Variants in TUBB2B observed in about 807,000 individuals in gnomAD.
The protein encoded by TUBB2B is tubulin beta-2B chain.
Under a neutral mutation model 35.0 loss-of-function variants are expected in TUBB2B, and 5 were observed. The ratio of observed to expected loss-of-function variants is 0.14; its 90% CI spans 0.07 to 0.30. TUBB2B has a LOEUF of 0.30. TUBB2B is among the 10% of genes least tolerant of loss of function. The pLI is 1.00. For missense variants in TUBB2B, 63 were observed against 601.8 expected (o/e 0.10, Z 9.37); for synonymous variants, 166 against 250.5 (o/e 0.66, Z 3.18).
Position 3,226,872 on chromosome 6 carries a change from C to T in TUBB2B, c.58-203G>A, listed in dbSNP as rs1435529406. Among the ~76,000 whole-genome samples the T allele has an allele frequency of 1.3e-5, 2 of 152,136 alleles. No homozygotes were observed. Among genetic ancestry groups the T allele is most frequent in the Admixed American group, 1.3e-4 (2 of 15,280 alleles). Reference sequence around the variant, plus strand: ...AACTGGGCGTTTCCCAGGCAAACAGCTGCCGCTCGCGGGGGGAGGTAGGGG... The same window carrying T: ...AACTGGGCGTTTCCCAGGCAAACAGTTGCCGCTCGCGGGGGGAGGTAGGGG... On this transcript the variant is annotated intron_variant, in intron 1 of 3. Transcript: ENST00000259818. This position sits in a 1 kb window ranked among gnomAD's most constrained non-coding sequence, Gnocchi z 5.5.
In TUBB2B at chr6:3,227,377, T is replaced by C; in HGVS notation, c.57+110A>G. The stretch of plus-strand genomic sequence containing the variant: ...CGGCGGCACAAAGCGGCCAGGAAGG[T>C]CTGCATTTGGCGATCCCCAGGCCTT... On this transcript the variant is annotated intron_variant, in intron 1 of 3. Coordinates refer to ENST00000259818, the MANE Select transcript of TUBB2B (RefSeq NM_178012.5). This position sits in a 1 kb window ranked among gnomAD's most constrained non-coding sequence, Gnocchi z 7.8. 1 of 1,428,662 alleles carries C rather than the reference T, an allele frequency of 7.0e-7. No homozygotes were observed. Among genetic ancestry groups the C allele is most frequent in the Admixed American group, 2.0e-5 (1 of 51,042 alleles). The allele number at this position is 1,428,662 out of a possible 1,614,324, so 88.5% of individuals were successfully genotyped here.
In TUBB2B at chr6:3,224,363, G is replaced by T; in HGVS notation, c.*388C>A. 1 of 281,120 alleles carries T rather than the reference G, an allele frequency of 3.6e-6. No individual in the cohort carries two copies. The allele number at this position is 281,120 out of a possible 1,614,324, so 17.4% of individuals were successfully genotyped here. On this transcript the variant is annotated 3_prime_UTR_variant, in exon 4 of 4. Transcript: ENST00000259818. Reference sequence around the variant, plus strand: ...GTGATTGGTTCAATTTTACCATACCGAAAGAATAAATTCATTTGAGCTTTT... The same window carrying T: ...GTGATTGGTTCAATTTTACCATACCTAAAGAATAAATTCATTTGAGCTTTT...
chr6:3,227,400 C>A lies in TUBB2B; in HGVS notation c.57+87G>T. The stretch of plus-strand genomic sequence containing the variant: ...GGTCTGCATTTGGCGATCCCCAGGC[C>A]TTCCCAGGACCGCGCCTGGGGACCC... On this transcript the variant is annotated intron_variant, in intron 1 of 3. Transcript: ENST00000259818. The surrounding 1 kb of genome is among the most constrained non-coding windows in gnomAD (Gnocchi z 7.8). 6.4e-7 allele frequency: 1 copy of A among 1,553,646 alleles called. No homozygotes were observed. The highest frequency in any genetic ancestry group is 1.1e-5 in the South Asian group (1 of 88,376).
chr6:3,224,556 ATGTTACATTGATG>A lies in TUBB2B; in HGVS notation c.*182_*194del. On this transcript the variant is annotated 3_prime_UTR_variant, in exon 4 of 4. Coordinates refer to ENST00000259818, the MANE Select transcript of TUBB2B (RefSeq NM_178012.5). The stretch of plus-strand genomic sequence containing the variant: ...CAACAGTAATTCAGAAATATCTCAA[ATGTTACATTGATG>A]TCATCAATATTACAAAAAAGGAAAA... 1.3e-6 allele frequency: 1 copy of A among 773,138 alleles called. No individual in the cohort carries two copies. The highest frequency in any genetic ancestry group is 2.0e-6 in the Non-Finnish European group (1 of 496,532). The allele number at this position is 773,138 out of a possible 1,614,324, so 47.9% of individuals were successfully genotyped here.
At chr6:3,225,969 T>G (rs919837466) in intron 3 of TUBB2B, among the ~76,000 whole-genome samples, 158 bp from the exon 4 acceptor site, 4 of 152,218 alleles carry the variant, frequency 2.6e-5, no homozygotes, top group African/African-American at 9.6e-5. Flanking sequence ...ATGAATATAA[T>G]TATAAATAAG....
In TUBB2B at chr6:3,226,283, C is replaced by T. The variant is rs1162065757; in HGVS notation, c.167-14G>A. ...CATATTTGTTACCTGCAAGGAACAA[C>T]AGTGACTTAGACCCTCAGGCAAGGA... is the stretch of plus-strand genomic sequence containing the variant. On this transcript the variant is annotated splice_polypyrimidine_tract_variant and intron_variant, in intron 2 of 3. Coordinates refer to ENST00000259818, the MANE Select transcript of TUBB2B (RefSeq NM_178012.5). This position sits in a 1 kb window ranked among gnomAD's most constrained non-coding sequence, Gnocchi z 5.5. The T allele has an allele frequency of 1.2e-6, 2 of 1,607,278 alleles. No individual in the cohort carries two copies. Among genetic ancestry groups the T allele is most frequent in the Non-Finnish European group, 1.7e-6 (2 of 1,174,136 alleles).
intron 3 of TUBB2B, 134 bp from the exon 4 acceptor site, chr6:3,225,945 T>C (rs1288741558): frequency 6.7e-7 from 1 of 1,483,498 alleles, no homozygotes; most frequent in African/African-American, 1.4e-5. Context: ...GGCCAAACGT[T>C]AAAATATTTG....
chr6:3,224,415 G>A lies in TUBB2B; in HGVS notation c.*336C>T, dbSNP rs1757245415. 4.9e-6 allele frequency: 2 copies of A among 409,732 alleles called. No individual in the cohort carries two copies. The highest frequency in any genetic ancestry group is 3.7e-5 in the South Asian group (1 of 27,334). 25.4% of individuals were successfully genotyped at this position (409,732 alleles called of 1,614,324 possible). A position where few individuals can be genotyped will look rare whatever the true frequency, so the allele number is the denominator to read the frequency against. Reference sequence around the variant, plus strand: ...CCTACGCCTTTGCTTTTTGTTAAAGGAAGAATTCAATGCAATGTGTTCAGA... The same window carrying A: ...CCTACGCCTTTGCTTTTTGTTAAAGAAAGAATTCAATGCAATGTGTTCAGA... On this transcript the variant is annotated 3_prime_UTR_variant, in exon 4 of 4. Transcript: ENST00000259818.
In TUBB2B at chr6:3,225,501, T is replaced by C. The variant is rs760627871; in HGVS notation, c.588A>G (p.Thr196=). The C allele has an allele frequency of 1.2e-6, 2 of 1,614,218 alleles. No homozygotes were observed. The highest frequency in any genetic ancestry group is 1.7e-6 in the Non-Finnish European group (2 of 1,180,028). ...CGTTGTCAATGCAGTAGGTTTCATC[T>C]GTGTTTTCCACCAGCTGGTGGACCG... ...TLSVHQLVEN[T]DETYCIDNEA... The change falls in exon 4 of 4, where the codon ACA becomes ACG. Residue 196 remains threonine (T), a synonymous_variant. Coordinates refer to ENST00000259818, the MANE Select transcript of TUBB2B (RefSeq NM_178012.5).
In TUBB2B at chr6:3,227,475, CG is replaced by C; in HGVS notation, c.57+11del. On this transcript the variant is annotated intron_variant, in intron 1 of 3. Coordinates refer to ENST00000259818, the MANE Select transcript of TUBB2B (RefSeq NM_178012.5). This position sits in a 1 kb window ranked among gnomAD's most constrained non-coding sequence, Gnocchi z 7.8. Reference sequence around the variant, plus strand: ...CGCCCCCATTGGACCCCCTCCGCTGCGGCGCGCCCACCTTGGCGCCGATCTG... The same window carrying C: ...CGCCCCCATTGGACCCCCTCCGCTGCGCGCGCCCACCTTGGCGCCGATCTG... 6.2e-7 allele frequency: 1 copy of C among 1,606,644 alleles called. No homozygotes were observed. The highest frequency in any genetic ancestry group is 8.5e-7 in the Non-Finnish European group (1 of 1,179,616).
rs1450696602 is a variant in TUBB2B, at chr6:3,224,678, G to A, written c.*73C>T. 1 of 1,595,890 alleles carries A rather than the reference G, an allele frequency of 6.3e-7. No individual in the cohort carries two copies. On this transcript the variant is annotated 3_prime_UTR_variant, in exon 4 of 4. Coordinates refer to ENST00000259818, the MANE Select transcript of TUBB2B (RefSeq NM_178012.5). ...CATGCTTCTTTCCTTCCACTGCCAG[G>A]TTATCGTCCCGGGAAGCCCCCCACC...
rs1365540589 is a variant in TUBB2B at position 3,227,365 on chromosome 6, C to T, written c.57+122G>A. On this transcript the variant is annotated intron_variant, in intron 1 of 3. Transcript: ENST00000259818. The surrounding 1 kb of genome is among the most constrained non-coding windows in gnomAD (Gnocchi z 7.8). ...CCAGGCCACACTCGGCGGCACAAAG[C>T]GGCCAGGAAGGTCTGCATTTGGCGA... The T allele has an allele frequency of 1.5e-6, 2 of 1,317,218 alleles. No individual in the cohort carries two copies. The highest frequency in any genetic ancestry group is 1.5e-5 in the African/African-American group (1 of 68,160). 81.6% of individuals were successfully genotyped at this position (1,317,218 alleles called of 1,614,324 possible).
In TUBB2B at chr6:3,226,802, C is replaced by T. The variant is rs1757292889; in HGVS notation, c.58-133G>A. 1 of 820,740 alleles carries T rather than the reference C, an allele frequency of 1.2e-6. No homozygotes were observed. Among genetic ancestry groups the T allele is most frequent in the East Asian group, 2.5e-5 (1 of 39,992 alleles). 50.8% of individuals were successfully genotyped at this position (820,740 alleles called of 1,614,324 possible). The stretch of plus-strand genomic sequence containing the variant: ...TGAAGCTTTAAAGGGCGTCGTGACC[C>T]GGGCACAGCCGCGGGGCTTGTATTT... On this transcript the variant is annotated intron_variant, in intron 1 of 3. Transcript: ENST00000259818. This position sits in a 1 kb window ranked among gnomAD's most constrained non-coding sequence, Gnocchi z 5.5.
chr6:3,226,948 C>T lies in TUBB2B; in HGVS notation c.58-279G>A, dbSNP rs1196846513. ...CCGGGCAGTGGCGGAGCTTGGCGCA[C>T]TGGTCGCAGCCCCAGGCTGCGGCAG... On this transcript the variant is annotated intron_variant, in intron 1 of 3. Coordinates refer to ENST00000259818, the MANE Select transcript of TUBB2B (RefSeq NM_178012.5). This position sits in a 1 kb window ranked among gnomAD's most constrained non-coding sequence, Gnocchi z 5.5. 6.6e-6 allele frequency among the ~76,000 whole-genome samples: 1 copy of T among 152,156 alleles called. No homozygotes were observed. Among genetic ancestry groups the T allele is most frequent in the Non-Finnish European group, 1.5e-5 (1 of 68,016 alleles).
In TUBB2B at chr6:3,227,391, T is replaced by G. The variant is rs1019777572; in HGVS notation, c.57+96A>C. 7 of 1,520,428 alleles carry G rather than the reference T, an allele frequency of 4.6e-6. No homozygotes were observed. Among genetic ancestry groups the G allele is most frequent in the Non-Finnish European group, 6.2e-6 (7 of 1,123,906 alleles). 94.2% of individuals were successfully genotyped at this position (1,520,428 alleles called of 1,614,324 possible). A position where few individuals can be genotyped will look rare whatever the true frequency, so the allele number is the denominator to read the frequency against. On this transcript the variant is annotated intron_variant, in intron 1 of 3. Coordinates refer to ENST00000259818, the MANE Select transcript of TUBB2B (RefSeq NM_178012.5). This position sits in a 1 kb window ranked among gnomAD's most constrained non-coding sequence, Gnocchi z 7.8. ...GGCCAGGAAGGTCTGCATTTGGCGA[T>G]CCCCAGGCCTTCCCAGGACCGCGCC...
In TUBB2B at chr6:3,226,294, AC is replaced by A; in HGVS notation, c.167-26del. On this transcript the variant is annotated intron_variant, in intron 2 of 3. Transcript: ENST00000259818. The surrounding 1 kb of genome is among the most constrained non-coding windows in gnomAD (Gnocchi z 5.5). The stretch of plus-strand genomic sequence containing the variant: ...CCTGCAAGGAACAACAGTGACTTAG[AC>A]CCTCAGGCAAGGACCTCTGCAGAGA... 1 of 1,599,382 alleles carries A rather than the reference AC, an allele frequency of 6.3e-7. No individual in the cohort carries two copies. Among genetic ancestry groups the A allele is most frequent in the Non-Finnish European group, 8.6e-7 (1 of 1,167,264 alleles).
In TUBB2B at chr6:3,227,352, C is replaced by T. The variant is rs987584198; in HGVS notation, c.57+135G>A. On this transcript the variant is annotated intron_variant, in intron 1 of 3. Transcript: ENST00000259818. This position sits in a 1 kb window ranked among gnomAD's most constrained non-coding sequence, Gnocchi z 7.8. ...GTCACCTCCTAGCCCAGGCCACACT[C>T]GGCGGCACAAAGCGGCCAGGAAGGT... 7 of 1,192,626 alleles carry T rather than the reference C, an allele frequency of 5.9e-6. No homozygotes were observed. The highest frequency in any genetic ancestry group is 1.5e-5 in the African/African-American group (1 of 65,780). The allele number at this position is 1,192,626 out of a possible 1,614,324, so 73.9% of individuals were successfully genotyped here.
rs980866210 is a variant in TUBB2B, at chr6:3,227,403, C to A, written c.57+84G>T. 7.7e-6 allele frequency: 12 copies of A among 1,567,522 alleles called. No individual in the cohort carries two copies. The African/African-American group carries it at 1.6e-4, about 21-fold the overall frequency. On this transcript the variant is annotated intron_variant, in intron 1 of 3. Coordinates refer to ENST00000259818, the MANE Select transcript of TUBB2B (RefSeq NM_178012.5). The surrounding 1 kb of genome is among the most constrained non-coding windows in gnomAD (Gnocchi z 7.8). ...CTGCATTTGGCGATCCCCAGGCCTT[C>A]CCAGGACCGCGCCTGGGGACCCCGA...
chr6:3,226,293 G>C lies in TUBB2B; in HGVS notation c.167-24C>G. 6.2e-7 allele frequency: 1 copy of C among 1,600,342 alleles called. No individual in the cohort carries two copies. The highest frequency in any genetic ancestry group is 8.6e-7 in the Non-Finnish European group (1 of 1,168,040). On this transcript the variant is annotated intron_variant, in intron 2 of 3. Coordinates refer to ENST00000259818, the MANE Select transcript of TUBB2B (RefSeq NM_178012.5). The surrounding 1 kb of genome is among the most constrained non-coding windows in gnomAD (Gnocchi z 5.5). ...ACCTGCAAGGAACAACAGTGACTTAGACCCTCAGGCAAGGACCTCTGCAGA... is the reference window on the plus strand; with the variant it reads ...ACCTGCAAGGAACAACAGTGACTTACACCCTCAGGCAAGGACCTCTGCAGA...
Sources: allele counts gnomAD v4.1 joint callset (sites outside exome capture counted in the v4.1 genomes callset), GRCh38; gene constraint gnomAD v4.1.1; non-coding constraint Gnocchi (gnomAD v3.1); transcripts MANE v1.5; gene names NCBI Gene and HGNC (gene_info 2026-07-23, HGNC 2026-07-21).